Variants in MBOAT4 observed in about 807,000 individuals in gnomAD.
The protein encoded by MBOAT4 is membrane bound ghrelin O-acyltransferase MBOAT4.
Under a neutral mutation model 13.2 loss-of-function variants are expected in MBOAT4, and 11 were observed. The observed-to-expected ratio is 0.84, with a 90% CI of 0.53 to 1.38. The LOEUF (loss-of-function observed/expected upper bound fraction) is 1.38, where lower values mean the gene tolerates loss of function less well. MBOAT4 is among the 40% of genes most tolerant of loss of function. MBOAT4 has a pLI of 0.00. For missense variants in MBOAT4, 481 were observed against 527.2 expected (o/e 0.91, Z 0.86); for synonymous variants, 202 against 210.3 (o/e 0.96, Z 0.34).
rs560419365 is a variant in MBOAT4, at chr8:30,131,674, A to G, written c.*269T>C. On this transcript the variant is annotated 3_prime_UTR_variant, in exon 3 of 3. Coordinates refer to ENST00000320542, the MANE Select transcript of MBOAT4 (RefSeq NM_001100916.2). ...TTCATAGCACCTTGTGTTTTTATGT[A>G]TCACTTTACTTAATCTTTGCTTCCA... The G allele has an allele frequency of 1.3e-4, 41 of 310,764 alleles. No individual in the cohort carries two copies. Among genetic ancestry groups the G allele is most frequent in the Middle Eastern group, 1.1e-3 (1 of 938 alleles). The allele number at this position is 310,764 out of a possible 1,614,324, so 19.3% of individuals were successfully genotyped here.
At chr8:30,133,071 A>T (rs1239413039) in intron 2 of MBOAT4, among the ~76,000 whole-genome samples, 165 bp from the exon 3 acceptor site, 1 of 152,192 alleles carries the variant, frequency 6.6e-6, no homozygotes, top group Admixed American at 6.5e-5. Flanking sequence ...AAAATAAAAT[A>T]AATCAATCTT....
chr8:30,133,803 AAAG>A (rs1472799472), intron 2 of MBOAT4, among the ~76,000 whole-genome samples: 8 of 151,454 alleles, frequency 5.3e-5, no homozygotes, highest in African/African-American at 7.3e-5. Context: ...AAAAAAAAAA[AAAG>A]AAAGAGAAAA....
intron 2 of MBOAT4, among the ~76,000 whole-genome samples, chr8:30,133,151 A>G (rs1416280564): frequency 4.6e-5 from 7 of 152,156 alleles, no homozygotes; most frequent in Admixed American, 3.9e-4. Flanking sequence ...TCCTGGGCTT[A>G]AGCAATCTGC....
chr8:30,137,499 A>G, intron 2 of MBOAT4: 1 of 1,550,194 alleles, frequency 6.5e-7, no homozygotes, highest in African/African-American at 1.4e-5. Flanking sequence ...CTCAGGCACA[A>G]TGACAACTAC....
At chr8:30,143,220 C>A (rs61522847) in intron 1 of MBOAT4, among the ~76,000 whole-genome samples, 1 of 152,002 alleles carries the variant, frequency 6.6e-6, no homozygotes, top group African/African-American at 2.4e-5. Flanking sequence ...TGGTGGTGTG[C>A]ACCTATAGTC....
In MBOAT4 at chr8:30,138,696, G is replaced by C. The variant is rs771791002; in HGVS notation, c.180C>G (p.Ala60=). 1.9e-6 allele frequency: 3 copies of C among 1,550,794 alleles called. No homozygotes were observed. The Admixed American group carries it at 5.9e-5, about 30-fold the overall frequency. ...ALAVAAMGSY[A]VLVFTPAVCA... ...AGACAGCAGGGGTGAAGACGAGCACGGCGTAGGAACCCATGGCAGCCACGG... is the reference window on the plus strand; with the variant it reads ...AGACAGCAGGGGTGAAGACGAGCACCGCGTAGGAACCCATGGCAGCCACGG... The change falls in exon 2 of 3, where the codon GCC becomes GCG. Residue 60 remains alanine, a synonymous_variant. Transcript: ENST00000320542.
At chr8:30,138,894 G>C (rs112138197) in intron 1 of MBOAT4, 138 bp from the exon 2 acceptor site, 2 of 617,228 alleles carry the variant, frequency 3.2e-6, no homozygotes, top group African/African-American at 3.7e-5. Context: ...GCACTCTGGG[G>C]CCTTCCTTTT....
chr8:30,144,294 A>C (rs1478690155), intron 1 of MBOAT4, among the ~76,000 whole-genome samples, 189 bp downstream of exon 1: 1 of 152,170 alleles, frequency 6.6e-6, no homozygotes, highest in Non-Finnish European at 1.5e-5. Context: ...CACCATGCCC[A>C]GCTAATTTTT....
chr8:30,131,848 T>C lies in MBOAT4; in HGVS notation c.*95A>G. 7.1e-7 allele frequency: 1 copy of C among 1,414,860 alleles called. No homozygotes were observed. Among genetic ancestry groups the C allele is most frequent in the South Asian group, 1.5e-5 (1 of 65,070 alleles). The allele number at this position is 1,414,860 out of a possible 1,614,324, so 87.6% of individuals were successfully genotyped here. A position where few individuals can be genotyped will look rare whatever the true frequency, so the allele number is the denominator to read the frequency against. ...ATCCAAAACTTTAGAAAAAATTTTA[T>C]TATGGAAAAGTTCAAATGTATGCAT... is the stretch of plus-strand genomic sequence containing the variant. On this transcript the variant is annotated 3_prime_UTR_variant, in exon 3 of 3. Transcript: ENST00000320542.
At chr8:30,141,332 G>A (rs1304408315) in intron 1 of MBOAT4, among the ~76,000 whole-genome samples, 2 of 152,070 alleles carry the variant, frequency 1.3e-5, no homozygotes, top group Non-Finnish European at 2.9e-5. Context: ...CTGAATGAAG[G>A]GGTCAGAAAA....
chr8:30,143,347 C>CAAAAAAAAAAAAAAAAAAAAAA (rs776274086), intron 1 of MBOAT4, among the ~76,000 whole-genome samples: 1 of 143,602 alleles, frequency 7.0e-6, no homozygotes, highest in African/African-American at 2.8e-5. Flanking sequence ...GACTCCGTCT[C>CAAAAAAAAAAAAAAAAAAAAAA]AAAAAAAAAA....
intron 1 of MBOAT4, among the ~76,000 whole-genome samples, chr8:30,140,929 C>G (rs1803250497): frequency 6.6e-6 from 1 of 151,922 alleles, no homozygotes; most frequent in South Asian, 2.1e-4. Context: ...CCTTGACCCC[C>G]CCGGCTCAAG....
At chr8:30,135,708 G>A (rs937104898) in intron 2 of MBOAT4, among the ~76,000 whole-genome samples, 4 of 152,082 alleles carry the variant, frequency 2.6e-5, no homozygotes, top group East Asian at 1.9e-4. Flanking sequence ...GAGCCCAGGA[G>A]TTTGAGACCA....
intron 1 of MBOAT4, among the ~76,000 whole-genome samples, chr8:30,142,191 T>C (rs1397440218): frequency 6.6e-6 from 1 of 152,172 alleles, no homozygotes; most frequent in Non-Finnish European, 1.5e-5. Context: ...ACGAGAAATA[T>C]ATTTATTTAA....
Position 30,131,680 on chromosome 8 carries a change from T to A in MBOAT4, c.*263A>T, listed in dbSNP as rs898904614. 2 of 326,562 alleles carry A rather than the reference T, an allele frequency of 6.1e-6. No homozygotes were observed. Among genetic ancestry groups the A allele is most frequent in the African/African-American group, 2.1e-5 (1 of 46,730 alleles). 20.2% of individuals were successfully genotyped at this position (326,562 alleles called of 1,614,324 possible). On this transcript the variant is annotated 3_prime_UTR_variant, in exon 3 of 3. Transcript: ENST00000320542. ...GCACCTTGTGTTTTTATGTATCACT[T>A]TACTTAATCTTTGCTTCCACATCTA...
chr8:30,139,168 G>C (rs1337131424), intron 1 of MBOAT4, among the ~76,000 whole-genome samples: 2 of 147,864 alleles, frequency 1.4e-5, no homozygotes, highest in African/African-American at 2.5e-5. Flanking sequence ...GTGTCGCCCA[G>C]TCTCAAACTC....
Position 30,132,483 on chromosome 8 carries a change from G to T in MBOAT4, c.768C>A (p.Tyr256Ter). 6.4e-7 allele frequency: 1 copy of T among 1,551,754 alleles called. No homozygotes were observed. Among genetic ancestry groups the T allele is most frequent in the Non-Finnish European group, 8.7e-7 (1 of 1,147,006 alleles). The change falls in exon 3 of 3, where the codon TAC becomes TAA. Residue 256 changes from tyrosine (Y) to a stop codon, truncating the protein, a stop_gained. Transcript: ENST00000320542. LOFTEE classifies it low-confidence loss of function (END_TRUNC). ...GGGAGTCGTCCAGGATCCAGTGGGA[G>T]TAGTAGGTGAGCTTGAAAAGCCCAG... ...TTAGLFKLTY[Y>*]SHWILDDSLL...
intron 2 of MBOAT4, chr8:30,137,292 C>A (rs1197334313): frequency 1.3e-6 from 2 of 1,551,538 alleles, no homozygotes; most frequent in Admixed American, 3.9e-5. Context: ...TACCCTTCTT[C>A]AGCAAGATGG....
intron 2 of MBOAT4, chr8:30,137,155 G>A: frequency 2.5e-6 from 2 of 806,058 alleles, no homozygotes; most frequent in Non-Finnish European, 4.0e-6. Flanking sequence ...ACCAGAGAGA[G>A]CCAGGAACAT....
Sources: gnomAD v4.1 joint callset for allele counts (sites outside exome capture counted in the v4.1 genomes callset) on GRCh38, gnomAD v4.1.1 for gene constraint, MANE v1.5 for transcripts, NCBI Gene and HGNC (gene_info 2026-07-23, HGNC 2026-07-21) for gene names.